TBC1D22A: variants seen among roughly 807,000 people sequenced by gnomAD.
The protein encoded by TBC1D22A is putative GTPase activator.
A neutral mutation model predicts 60.2 loss-of-function variants in TBC1D22A; 38 were observed. That is an observed-to-expected ratio of 0.63 (90% CI 0.49 to 0.83). TBC1D22A has a LOEUF of 0.83. TBC1D22A is among the 40% of genes least tolerant of loss of function. The probability of loss-of-function intolerance (pLI) is 0.00; values close to 1 mark genes in which losing one functional copy is unlikely to be tolerated. For missense variants in TBC1D22A, 628 were observed against 701.0 expected, an observed-to-expected ratio of 0.90 and a Z score of 1.18; for synonymous variants, 302 against 281.7, an observed-to-expected ratio of 1.07 and a Z score of -0.72.
intron 11 of TBC1D22A, among the ~76,000 whole-genome samples, chr22:47,076,325 A>G (rs944667998): frequency 3.4e-5 from 5 of 146,060 alleles, no homozygotes; most frequent in Admixed American, 7.1e-5. Flanking sequence ...ATATATATGT[A>G]TATGTGTGTG....
intron 8 of TBC1D22A, among the ~76,000 whole-genome samples, chr22:46,958,767 G>A (rs994752698): frequency 6.6e-6 from 1 of 152,182 alleles, no homozygotes; most frequent in South Asian, 2.1e-4. Context: ...TGCCTTACCC[G>A]TAGACTTACT....
intron 5 of TBC1D22A, among the ~76,000 whole-genome samples, chr22:46,879,047 G>T (rs1226334862): frequency 1.3e-5 from 2 of 151,808 alleles, no homozygotes; most frequent in African/African-American, 4.8e-5. Flanking sequence ...ACTCCGAGGA[G>T]TTGAAACAGG....
At chr22:47,091,305 T>TGGTGGG (rs71192464) in intron 11 of TBC1D22A, among the ~76,000 whole-genome samples, 5 of 55,396 alleles carry the variant, frequency 9.0e-5, no homozygotes, top group Non-Finnish European at 1.5e-4. Flanking sequence ...AAGTCGTCTT[T>TGGTGGG]GGGTGGCTGC....
intron 12 of TBC1D22A, among the ~76,000 whole-genome samples, chr22:47,118,879 C>T (rs994796471): frequency 1.4e-4 from 22 of 152,094 alleles, no homozygotes; most frequent in African/African-American, 4.3e-4. Flanking sequence ...TGGCCAGGTG[C>T]GGTGGCTCAC....
At chr22:46,929,435 C>G (rs1411143926) in intron 8 of TBC1D22A, among the ~76,000 whole-genome samples, 4 of 152,126 alleles carry the variant, frequency 2.6e-5, no homozygotes, top group Admixed American at 2.6e-4. Flanking sequence ...ATTTTCTTTC[C>G]CTTAATTATT....
At chr22:46,958,396 G>A (rs957931597) in intron 8 of TBC1D22A, among the ~76,000 whole-genome samples, 7 of 152,116 alleles carry the variant, frequency 4.6e-5, no homozygotes, top group Non-Finnish European at 7.4e-5. Context: ...TCTCTGCACC[G>A]TGGCTGCTCA....
intron 12 of TBC1D22A, among the ~76,000 whole-genome samples, chr22:47,130,525 G>A (rs951717056): frequency 7.2e-5 from 11 of 152,158 alleles, no homozygotes; most frequent in African/African-American, 2.4e-4. Flanking sequence ...CCACTTCCTC[G>A]CAGGCTTCGC....
intron 4 of TBC1D22A, among the ~76,000 whole-genome samples, chr22:46,804,154 G>A (rs1352045279): frequency 4.6e-5 from 7 of 152,046 alleles, no homozygotes; most frequent in African/African-American, 1.4e-4. Flanking sequence ...TTTTCCCCCC[G>A]TGGCTTCCCC....
At chr22:47,003,232 T>C (rs889514956) in intron 10 of TBC1D22A, among the ~76,000 whole-genome samples, 9 of 152,122 alleles carry the variant, frequency 5.9e-5, no homozygotes. Context: ...CTTCTGTATT[T>C]ATCTGGTAAT....
chr22:46,949,831 G>A (rs1033979672), intron 8 of TBC1D22A, among the ~76,000 whole-genome samples: 4 of 152,208 alleles, frequency 2.6e-5, no homozygotes, highest in African/African-American at 9.6e-5. Flanking sequence ...GGAGTGGTGA[G>A]CACCATGCGC....
chr22:47,021,678 A>G (rs1418157551), intron 10 of TBC1D22A, among the ~76,000 whole-genome samples: 1 of 152,248 alleles, frequency 6.6e-6, no homozygotes, highest in Non-Finnish European at 1.5e-5. Flanking sequence ...GCCTGGGCCC[A>G]TAGAGACTGT....
intron 12 of TBC1D22A, among the ~76,000 whole-genome samples, chr22:47,134,635 G>C (rs1416662421): frequency 6.6e-6 from 1 of 152,238 alleles, no homozygotes; most frequent in Non-Finnish European, 1.5e-5. Flanking sequence ...GGAGTGTCCT[G>C]TGGGACCCTC....
At chr22:46,926,971 C>T (rs2071082928) in intron 8 of TBC1D22A, among the ~76,000 whole-genome samples, 1 of 152,028 alleles carries the variant, frequency 6.6e-6, no homozygotes, top group Admixed American at 6.5e-5. Context: ...CAAAAATCCC[C>T]ACAAAGAAAA....
At chr22:47,088,098 T>A (rs8136080) in intron 11 of TBC1D22A, among the ~76,000 whole-genome samples, 224 of 150,954 alleles carry the variant, frequency 1.5e-3, no homozygotes, top group Non-Finnish European at 2.2e-3. Flanking sequence ...ATAATAATAA[T>A]AAATTTAAAA....
chr22:47,041,123 G>C (rs9615454), intron 11 of TBC1D22A, among the ~76,000 whole-genome samples: 66,325 of 151,942 alleles, frequency 0.44, 15,099 homozygotes, highest in Middle Eastern at 0.68. Flanking sequence ...TTTATTTTTG[G>C]CAGGTGAGTA....
At chr22:46,799,467 A>G (rs946533361) in intron 4 of TBC1D22A, among the ~76,000 whole-genome samples, 1 of 152,220 alleles carries the variant, frequency 6.6e-6, no homozygotes, top group African/African-American at 2.4e-5. Flanking sequence ...CACAGGGGTC[A>G]CAATCAGGAA....
intron 11 of TBC1D22A, among the ~76,000 whole-genome samples, chr22:47,083,415 C>T (rs182052412): frequency 1.3e-5 from 2 of 151,968 alleles, no homozygotes; most frequent in East Asian, 3.9e-4. Flanking sequence ...TAAGTGGCAT[C>T]CTCGTCCTGT....
intron 12 of TBC1D22A, among the ~76,000 whole-genome samples, chr22:47,125,005 C>T (rs2147099163): frequency 6.6e-6 from 1 of 152,134 alleles, no homozygotes; most frequent in South Asian, 2.1e-4. Flanking sequence ...GGGGCAGGGG[C>T]TTGCAGAGGG....
intron 8 of TBC1D22A, among the ~76,000 whole-genome samples, chr22:46,934,184 A>G (rs2071513911): frequency 1.3e-5 from 2 of 152,188 alleles, no homozygotes; most frequent in South Asian, 4.1e-4. Flanking sequence ...TCAAAATTAA[A>G]TTTTCTCTTT....
Sources: allele counts gnomAD v4.1 joint callset (sites outside exome capture counted in the v4.1 genomes callset), GRCh38; gene constraint gnomAD v4.1.1; transcripts MANE v1.5; gene names NCBI Gene and HGNC (gene_info 2026-07-23, HGNC 2026-07-21).